Variants in ROBO2 observed in about 807,000 individuals in gnomAD.
ROBO2 encodes roundabout homolog 2.
A neutral mutation model predicts 160.8 loss-of-function variants in ROBO2; 53 were observed. The observed-to-expected ratio is 0.33, with a 90% CI of 0.26 to 0.41. The LOEUF (loss-of-function observed/expected upper bound fraction) is 0.41, where lower values mean the gene tolerates loss of function less well. Ranked by LOEUF, ROBO2 falls within the 10% of genes least tolerant of loss-of-function variation. The pLI is 1.00. For missense variants in ROBO2, 1,577 were observed against 1,722.4 expected (o/e 0.92, Z 1.49); for synonymous variants, 664 against 611.7 (o/e 1.09, Z -1.26).
At chr3:76,983,867 T>G (rs1341194730) in intron 2 of ROBO2, among the ~76,000 whole-genome samples, 1 of 152,214 alleles carries the variant, frequency 6.6e-6, no homozygotes, top group African/African-American at 2.4e-5. Flanking sequence ...CAGGCTGCTA[T>G]GGAGAAATAC....
intron 2 of ROBO2, among the ~76,000 whole-genome samples, chr3:75,994,638 A>G (rs1319915786): frequency 1.3e-5 from 2 of 152,214 alleles, no homozygotes; most frequent in East Asian, 3.9e-4. Flanking sequence ...ATCCAGTGTC[A>G]GGTATTTCCT....
At chr3:77,334,420 G>A (rs137945231) in intron 2 of ROBO2, among the ~76,000 whole-genome samples, 48 of 152,248 alleles carry the variant, frequency 3.2e-4, no homozygotes, top group African/African-American at 1.1e-3. Flanking sequence ...TCCATTAAAC[G>A]TCTGCTATAG....
intron 2 of ROBO2, among the ~76,000 whole-genome samples, chr3:76,806,840 TATG>T (rs2064762804): frequency 6.6e-6 from 1 of 152,066 alleles, no homozygotes; most frequent in Admixed American, 6.6e-5. Context: ...AATTTCTGCA[TATG>T]ATGAGAATAT....
intron 2 of ROBO2, among the ~76,000 whole-genome samples, chr3:76,543,382 TAC>T (rs1415640658): frequency 1.3e-5 from 2 of 152,078 alleles, no homozygotes; most frequent in African/African-American, 4.8e-5. Flanking sequence ...AGTAACAACA[TAC>T]ACAGAGGAAA....
At chr3:76,261,044 A>G (rs1236582292) in intron 2 of ROBO2, among the ~76,000 whole-genome samples, 2 of 152,034 alleles carry the variant, frequency 1.3e-5, no homozygotes, top group African/African-American at 4.8e-5. Flanking sequence ...GGAGTTGGGG[A>G]AGGAACAACT....
chr3:76,595,642 T>G (rs1458101483), intron 2 of ROBO2, among the ~76,000 whole-genome samples: 2 of 152,042 alleles, frequency 1.3e-5, no homozygotes, highest in Non-Finnish European at 2.9e-5. Flanking sequence ...TTAAGTGAAA[T>G]CAAATTCATG....
At chr3:76,894,842 T>C (rs1259062265) in intron 2 of ROBO2, among the ~76,000 whole-genome samples, 1 of 152,146 alleles carries the variant, frequency 6.6e-6, no homozygotes, top group African/African-American at 2.4e-5. Flanking sequence ...TTCAACTGTA[T>C]TAACTCAAAG....
intron 1 of ROBO2, among the ~76,000 whole-genome samples, chr3:77,044,552 TC>T (rs2064442257): frequency 6.6e-6 from 1 of 152,180 alleles, no homozygotes; most frequent in Non-Finnish European, 1.5e-5. Flanking sequence ...CCTCTTTTTT[TC>T]TTTTTTGGAT....
At chr3:77,404,073 T>C (rs1004708953) in intron 2 of ROBO2, among the ~76,000 whole-genome samples, 15 of 152,172 alleles carry the variant, frequency 9.9e-5, no homozygotes, top group African/African-American at 3.4e-4. Flanking sequence ...GGAATAATAA[T>C]TCCTCATAAC....
intron 2 of ROBO2, among the ~76,000 whole-genome samples, chr3:76,687,070 C>T (rs925912138): frequency 1.3e-5 from 2 of 151,952 alleles, no homozygotes; most frequent in Admixed American, 1.3e-4. Context: ...TTATCATGCA[C>T]GTATTCATGT....
At chr3:76,367,950 AG>A in intron 2 of ROBO2, among the ~76,000 whole-genome samples, 1 of 151,920 alleles carries the variant, frequency 6.6e-6, no homozygotes, top group South Asian at 2.1e-4. Flanking sequence ...TTAAAAGTAT[AG>A]ACGTGCCTTA....
At chr3:77,130,612 T>C (rs188601074) in intron 2 of ROBO2, among the ~76,000 whole-genome samples, 1 of 152,208 alleles carries the variant, frequency 6.6e-6, no homozygotes, top group Non-Finnish European at 1.5e-5. Context: ...ATACGTGTCT[T>C]GTTTAATGGT....
At chr3:76,167,312 C>G (rs991700833) in intron 2 of ROBO2, among the ~76,000 whole-genome samples, 1 of 152,088 alleles carries the variant, frequency 6.6e-6, no homozygotes, top group African/African-American at 2.4e-5. Context: ...CTGTTGTTTG[C>G]TGAAATAGTT....
chr3:76,218,910 C>T (rs1341073882), intron 2 of ROBO2, among the ~76,000 whole-genome samples: 1 of 152,162 alleles, frequency 6.6e-6, no homozygotes, highest in Non-Finnish European at 1.5e-5. Flanking sequence ...TGACTTCAAA[C>T]TATACTACAA....
In ROBO2 at chr3:77,406,773, C is replaced by T. The variant is rs1026141868; in HGVS notation, c.389-70641C>T. 2.0e-5 allele frequency among the ~76,000 whole-genome samples: 3 copies of T among 152,054 alleles called. No homozygotes were observed. In the South Asian group the frequency reaches 6.2e-4, roughly 32 times the overall value. On this transcript the variant is annotated intron_variant, in intron 2 of 25. Coordinates refer to ENST00000461745, the Ensembl canonical transcript of ROBO2. ...CCCCACTTCATGCTTTCCCATTTCTCGGAGACAAGTCACAATTTCTAACTA... is the reference window on the plus strand; with the variant it reads ...CCCCACTTCATGCTTTCCCATTTCTTGGAGACAAGTCACAATTTCTAACTA...
intron 2 of ROBO2, among the ~76,000 whole-genome samples, chr3:77,405,211 A>G (rs1311027654): frequency 6.6e-6 from 1 of 152,208 alleles, no homozygotes; most frequent in Non-Finnish European, 1.5e-5. Context: ...AAATGGACAA[A>G]TAAATAAATG....
intron 2 of ROBO2, among the ~76,000 whole-genome samples, chr3:76,849,073 C>G (rs1577026491): frequency 6.6e-6 from 1 of 152,294 alleles, no homozygotes; most frequent in East Asian, 1.9e-4. Flanking sequence ...CTAACTGGCT[C>G]TGCACCTAAG....
chr3:76,279,119 G>T (rs1173232044), intron 2 of ROBO2, among the ~76,000 whole-genome samples: 2 of 150,710 alleles, frequency 1.3e-5, no homozygotes, highest in Non-Finnish European at 3.0e-5. Flanking sequence ...TAAATATATG[G>T]ATATATTATA....
chr3:76,611,295 G>A (rs747320563), intron 2 of ROBO2, among the ~76,000 whole-genome samples: 2 of 152,090 alleles, frequency 1.3e-5, no homozygotes, highest in Non-Finnish European at 2.9e-5. Context: ...GTCTCCTGTC[G>A]CTATCAGTAA....
Sources: allele counts gnomAD v4.1 joint callset (sites outside exome capture counted in the v4.1 genomes callset), GRCh38; gene constraint gnomAD v4.1.1; transcripts MANE v1.5; gene names NCBI Gene and HGNC (gene_info 2026-07-23, HGNC 2026-07-21).